The following CRYL1 variants were observed in gnomAD, a reference collection of about 807,000 sequenced individuals.
The protein encoded by CRYL1 is lambda-crystallin homolog.
CRYL1 carries 29 observed loss-of-function variants against 36.6 expected under a neutral mutation model. That is an observed-to-expected ratio of 0.79 (90% CI 0.59 to 1.08). The LOEUF (loss-of-function observed/expected upper bound fraction) is 1.08, where lower values mean the gene tolerates loss of function less well. CRYL1 is among the 50% of genes least tolerant of loss of function. The probability of loss-of-function intolerance (pLI) is 0.00; values close to 1 mark genes in which losing one functional copy is unlikely to be tolerated. For synonymous variants in CRYL1, 152 were observed against 151.5 expected (o/e 1.00, Z -0.02); for missense variants, 411 against 407.9 (o/e 1.01, Z -0.06).
chr13:20,525,781 G>A lies in CRYL1; in HGVS notation c.14C>T (p.Ala5Val), dbSNP rs2034181270. The stretch of plus-strand genomic sequence containing the variant: ...GCCAACGATCACCACGCAGCCGGCC[G>A]CGGAGGACGCCATGGTTGGGCCGGG... MASSAAGCVVIVGSG... is the reference protein window; with the variant it reads MASSVAGCVVIVGSG... The change falls in exon 1 of 8, where the codon GCG becomes GTG. Residue 5 changes from alanine to valine, a missense_variant. Ala to Val is a moderately conservative substitution (Grantham distance 64). Transcript: ENST00000298248. The surrounding 1 kb of genome is among the most constrained non-coding windows in gnomAD (Gnocchi z 4.3). 1 of 1,286,122 alleles carries A rather than the reference G, an allele frequency of 7.8e-7. No homozygotes were observed. Among genetic ancestry groups the A allele is most frequent in the Non-Finnish European group, 9.8e-7 (1 of 1,015,346 alleles). 79.7% of individuals were successfully genotyped at this position (1,286,122 alleles called of 1,614,324 possible).
At chr13:20,417,049 G>A (rs769746753) in intron 5 of CRYL1, among the ~76,000 whole-genome samples, 15 of 152,168 alleles carry the variant, frequency 9.9e-5, no homozygotes, top group Admixed American at 6.5e-4. Flanking sequence ...CAAAGCTTGA[G>A]TTTTTACCAA....
At chr13:20,411,372 T>C (rs544663204) in intron 6 of CRYL1, among the ~76,000 whole-genome samples, 154 of 152,324 alleles carry the variant, frequency 1.0e-3, no homozygotes, top group African/African-American at 3.6e-3. Context: ...ATTTGATTCT[T>C]GAGTTTCTGG....
In CRYL1 at chr13:20,436,179, C is replaced by A. The variant is rs568480023; in HGVS notation, c.438+3414G>T. Among the ~76,000 whole-genome samples, 22 of 151,908 alleles carry A rather than the reference C, an allele frequency of 1.4e-4. No homozygotes were observed. In the Admixed American group the frequency reaches 1.5e-3, roughly 10 times the overall value. On this transcript the variant is annotated intron_variant, in intron 4 of 7. Transcript: ENST00000298248. ...GGCCTCTCCCCCAACGCCCACCGCACGCCCCAGTCTGCCAGCCGCGGCCCC... is the reference window on the plus strand; with the variant it reads ...GGCCTCTCCCCCAACGCCCACCGCAAGCCCCAGTCTGCCAGCCGCGGCCCC...
At chr13:20,442,607 C>A (rs112085123) in intron 3 of CRYL1, among the ~76,000 whole-genome samples, 2,484 of 152,270 alleles carry the variant, frequency 0.016, 73 homozygotes, top group African/African-American at 0.057. Context: ...CCCTCTCCAA[C>A]CCAGAGAGAT....
intron 3 of CRYL1, among the ~76,000 whole-genome samples, chr13:20,470,874 CACTCCA>C (rs1244202747): frequency 7.1e-6 from 1 of 141,012 alleles, no homozygotes; most frequent in East Asian, 2.1e-4. Context: ...CGTGCCACTG[CACTCCA>C]GCCTGGGCAA....
intron 5 of CRYL1, chr13:20,431,422 A>T (rs946430703): frequency 1.5e-5 from 15 of 985,282 alleles, no homozygotes; most frequent in Non-Finnish European, 1.7e-5. Context: ...AAGTGCCATA[A>T]GGGAGGCCGG....
chr13:20,517,872 C>T (rs1023475496), intron 1 of CRYL1, among the ~76,000 whole-genome samples: 1 of 130,490 alleles, frequency 7.7e-6, no homozygotes, highest in Non-Finnish European at 1.6e-5. Flanking sequence ...GGAGGCGGAG[C>T]TTGCAGTGAG....
At chr13:20,522,495 C>CTTGT (rs2034112932) in intron 1 of CRYL1, among the ~76,000 whole-genome samples, 1 of 152,208 alleles carries the variant, frequency 6.6e-6, no homozygotes, top group Non-Finnish European at 1.5e-5. Flanking sequence ...CTACCAAGCC[C>CTTGT]TTCATAGGGC....
intron 3 of CRYL1, among the ~76,000 whole-genome samples, chr13:20,482,418 G>C (rs546595527): frequency 6.6e-6 from 1 of 152,364 alleles, no homozygotes; most frequent in Admixed American, 6.5e-5. Flanking sequence ...TGGCTAATGA[G>C]CTTTAATGTG....
chr13:20,498,719 A>G (rs1334121934), intron 2 of CRYL1, among the ~76,000 whole-genome samples: 3 of 152,244 alleles, frequency 2.0e-5, no homozygotes, highest in Non-Finnish European at 2.9e-5. Flanking sequence ...CAGTAAAACC[A>G]CAGAAGAAAA....
At chr13:20,500,204 GTT>G (rs1429502418) in intron 2 of CRYL1, among the ~76,000 whole-genome samples, 2 of 152,040 alleles carry the variant, frequency 1.3e-5, no homozygotes, top group African/African-American at 4.8e-5. Flanking sequence ...CATTCTTTTT[GTT>G]TTTCAGAGTC....
chr13:20,483,690 C>T (rs2033328034), intron 3 of CRYL1, among the ~76,000 whole-genome samples: 1 of 152,158 alleles, frequency 6.6e-6, no homozygotes, highest in South Asian at 2.1e-4. Context: ...CAGGCATGCA[C>T]CACCATGCCA....
At chr13:20,522,196 G>A (rs1445092273) in intron 1 of CRYL1, among the ~76,000 whole-genome samples, 2 of 151,986 alleles carry the variant, frequency 1.3e-5, no homozygotes, top group African/African-American at 4.8e-5. Context: ...CTAAAAATAC[G>A]AAAATTAGCC....
At chr13:20,524,895 C>A (rs2034161585) in intron 1 of CRYL1, among the ~76,000 whole-genome samples, 1 of 151,840 alleles carries the variant, frequency 6.6e-6, no homozygotes, top group Non-Finnish European at 1.5e-5. Flanking sequence ...CAGGCCAACA[C>A]CTCAACAGCA....
At chr13:20,465,947 A>G (rs2032923431) in intron 3 of CRYL1, among the ~76,000 whole-genome samples, 2 of 54,902 alleles carry the variant, frequency 3.6e-5, no homozygotes, top group Admixed American at 1.5e-4. Flanking sequence ...GAGCTGGTTG[A>G]AAAAAAAAAA....
intron 5 of CRYL1, among the ~76,000 whole-genome samples, chr13:20,423,275 T>C (rs1269178852): frequency 6.6e-6 from 1 of 152,238 alleles, no homozygotes; most frequent in Admixed American, 6.5e-5. Context: ...TCTTGCCTAA[T>C]TGCTATGGCT....
chr13:20,420,343 C>T (rs921924723), intron 5 of CRYL1, among the ~76,000 whole-genome samples: 2 of 152,124 alleles, frequency 1.3e-5, no homozygotes, highest in African/African-American at 2.4e-5. Flanking sequence ...GCGGGTCTCC[C>T]CTCTGGGAGG....
At chr13:20,493,230 G>A (rs2033544468) in intron 2 of CRYL1, among the ~76,000 whole-genome samples, 1 of 152,236 alleles carries the variant, frequency 6.6e-6, no homozygotes, top group South Asian at 2.1e-4. Flanking sequence ...TGCCATGTGA[G>A]CTTACTACCA....
intron 3 of CRYL1, among the ~76,000 whole-genome samples, chr13:20,452,082 C>A (rs979203694): frequency 6.6e-6 from 1 of 151,870 alleles, no homozygotes; most frequent in African/African-American, 2.4e-5. Context: ...GAGCTAAACA[C>A]TGGGTACTCA....
Sources: allele counts gnomAD v4.1 joint callset (sites outside exome capture counted in the v4.1 genomes callset), GRCh38; gene constraint gnomAD v4.1.1; non-coding constraint Gnocchi (gnomAD v3.1); transcripts MANE v1.5; gene names NCBI Gene and HGNC (gene_info 2026-07-23, HGNC 2026-07-21).